ZNF131: variants seen among roughly 807,000 people sequenced by gnomAD.
ZNF131 encodes zinc finger protein 131.
ZNF131 carries 7 observed loss-of-function variants against 60.0 expected under a neutral mutation model. That is an observed-to-expected ratio of 0.12 (90% CI 0.07 to 0.22). ZNF131 has a LOEUF of 0.22. Ranked by LOEUF, ZNF131 falls within the 10% of genes least tolerant of loss-of-function variation. The probability of loss-of-function intolerance (pLI) is 1.00; values close to 1 mark genes in which losing one functional copy is unlikely to be tolerated. For synonymous variants in ZNF131, 257 were observed against 253.2 expected (o/e 1.01, Z -0.14); for missense variants, 493 against 740.9 (o/e 0.67, Z 3.88).
chr5:43,158,976 C>T (rs1232509630), intron 4 of ZNF131, among the ~76,000 whole-genome samples: 1 of 152,088 alleles, frequency 6.6e-6, no homozygotes, highest in East Asian at 1.9e-4. Flanking sequence ...AGATAGAAGA[C>T]TTCTGAGTCA....
chr5:43,146,774 C>T (rs550418296), intron 4 of ZNF131, among the ~76,000 whole-genome samples: 12 of 152,146 alleles, frequency 7.9e-5, no homozygotes, highest in Admixed American at 5.2e-4. Flanking sequence ...GACATGGTGG[C>T]GTGCGCCTAT....
chr5:43,175,675 T>A lies in ZNF131; in HGVS notation c.*542T>A. ...TCTACCCCAGTAGTCACAGATGCCA[T>A]CTTTGCAACAGAAAGAGTGGTGGTG... On this transcript the variant is annotated 3_prime_UTR_variant, in exon 7 of 7. Transcript: ENST00000682664. 2.6e-6 allele frequency: 1 copy of A among 383,700 alleles called. No homozygotes were observed. The highest frequency in any genetic ancestry group is 4.6e-6 in the Non-Finnish European group (1 of 218,080). 23.8% of individuals were successfully genotyped at this position (383,700 alleles called of 1,614,324 possible).
chr5:43,123,357 T>G (rs1184972428), intron 3 of ZNF131, 47 bp downstream of exon 3: 1 of 1,505,138 alleles, frequency 6.6e-7, no homozygotes, highest in Non-Finnish European at 9.0e-7. Flanking sequence ...AAAGAAGCCA[T>G]TTTATTTAAA....
chr5:43,149,401 A>G (rs932258141), intron 4 of ZNF131, among the ~76,000 whole-genome samples: 3 of 152,000 alleles, frequency 2.0e-5, no homozygotes. Context: ...CCTGCTGAGT[A>G]TTCCATTGTA....
chr5:43,174,427 C>G lies in ZNF131; in HGVS notation c.1186-20C>G. On this transcript the variant is annotated intron_variant, in intron 6 of 6. Coordinates refer to ENST00000682664, the MANE Select transcript of ZNF131 (RefSeq NM_001330707.2). ...GTTTGGATATAAGTATTGTCTACAT[C>G]ATATTTTTGGTTATTTCAGGTCTGC... is the stretch of plus-strand genomic sequence containing the variant. 1.3e-6 allele frequency: 2 copies of G among 1,510,164 alleles called. No homozygotes were observed. The highest frequency in any genetic ancestry group is 1.8e-6 in the Non-Finnish European group (2 of 1,130,574). The allele number at this position is 1,510,164 out of a possible 1,614,324, so 93.5% of individuals were successfully genotyped here.
intron 4 of ZNF131, among the ~76,000 whole-genome samples, chr5:43,152,654 T>C (rs1205672356): frequency 6.6e-6 from 1 of 152,204 alleles, no homozygotes; most frequent in African/African-American, 2.4e-5. Flanking sequence ...TCACCCAGGC[T>C]GGAGTGCAGT....
chr5:43,173,309 C>G lies in ZNF131; in HGVS notation c.1055-9C>G, dbSNP rs780715636. The G allele has an allele frequency of 1.1e-4, 179 of 1,559,710 alleles. No individual in the cohort carries two copies. Among genetic ancestry groups the G allele is most frequent in the Non-Finnish European group, 1.3e-4 (145 of 1,145,506 alleles). Reference sequence around the variant, plus strand: ...AATTTGCCAACGTATCTTTTTTCCCCTCTAATAGGTGAAAAACCTTTTGAA... The same window carrying G: ...AATTTGCCAACGTATCTTTTTTCCCGTCTAATAGGTGAAAAACCTTTTGAA... On this transcript the variant is annotated splice_polypyrimidine_tract_variant and intron_variant, in intron 5 of 6. Coordinates refer to ENST00000682664, the MANE Select transcript of ZNF131 (RefSeq NM_001330707.2).
Position 43,161,944 on chromosome 5 carries a change from T to C in ZNF131, c.1054+13T>C, listed in dbSNP as rs118083587. 295 of 1,547,654 alleles carry C rather than the reference T, an allele frequency of 1.9e-4. No homozygotes were observed. The East Asian group carries it at 6.3e-3, about 33-fold the overall frequency. On this transcript the variant is annotated intron_variant, in intron 5 of 6. Transcript: ENST00000682664. ...CGAAAACATACAGGTAATGAGCAAA[T>C]ACTTTGTTAAAATTTTTTTTTCCCA...
intron 3 of ZNF131, among the ~76,000 whole-genome samples, chr5:43,125,420 A>C (rs1323435603): frequency 6.6e-6 from 1 of 151,516 alleles, no homozygotes; most frequent in Middle Eastern, 3.2e-3. Context: ...CTTCCTCCCA[A>C]AGTGCTGGGA....
At chr5:43,170,940 TA>T (rs1750912239) in intron 5 of ZNF131, among the ~76,000 whole-genome samples, 1 of 150,600 alleles carries the variant, frequency 6.6e-6, no homozygotes, top group African/African-American at 2.5e-5. Flanking sequence ...GGCGATTTTT[TA>T]AATTTTTTTT....
intron 4 of ZNF131, among the ~76,000 whole-genome samples, chr5:43,144,155 C>G (rs1454437846): frequency 6.7e-6 from 1 of 149,680 alleles, no homozygotes; most frequent in African/African-American, 2.5e-5. Flanking sequence ...ATCTCCTGAC[C>G]TCGTGATCCA....
At chr5:43,136,115 G>GA (rs1159939267) in intron 3 of ZNF131, among the ~76,000 whole-genome samples, 2 of 152,058 alleles carry the variant, frequency 1.3e-5, no homozygotes, top group Admixed American at 1.3e-4. Flanking sequence ...TCTCGAAGAA[G>GA]AAAAAATGAA....
chr5:43,170,996 G>A (rs1176969255), intron 5 of ZNF131, among the ~76,000 whole-genome samples: 2 of 150,892 alleles, frequency 1.3e-5, no homozygotes, highest in African/African-American at 4.9e-5. Context: ...CCAGGCTGGA[G>A]TGCAATGGCC....
chr5:43,141,594 C>T (rs142210588), intron 4 of ZNF131, among the ~76,000 whole-genome samples: 37 of 151,998 alleles, frequency 2.4e-4, no homozygotes, highest in Middle Eastern at 6.8e-3. Flanking sequence ...CATGGTGAAA[C>T]GCCAACTCTA....
intron 4 of ZNF131, among the ~76,000 whole-genome samples, chr5:43,148,979 A>G (rs1226682758): frequency 6.6e-6 from 1 of 152,148 alleles, no homozygotes; most frequent in East Asian, 1.9e-4. Flanking sequence ...TTCACTTGCC[A>G]TAATTATTTT....
intron 3 of ZNF131, among the ~76,000 whole-genome samples, chr5:43,133,933 TTGATTAATTCAA>T (rs1745684930): frequency 6.6e-6 from 1 of 152,184 alleles, no homozygotes; most frequent in Non-Finnish European, 1.5e-5. Flanking sequence ...GATGGGTTCA[TTGATTAATTCAA>T]TGAAATGTTA....
chr5:43,158,805 T>G (rs1749281865), intron 4 of ZNF131, among the ~76,000 whole-genome samples: 1 of 152,014 alleles, frequency 6.6e-6, no homozygotes, highest in Non-Finnish European at 1.5e-5. Flanking sequence ...TCAAATCCGA[T>G]CAGTTGCTCT....
chr5:43,162,247 C>T (rs1208448354), intron 5 of ZNF131, among the ~76,000 whole-genome samples: 2 of 152,122 alleles, frequency 1.3e-5, no homozygotes, highest in Non-Finnish European at 2.9e-5. Context: ...GAGACTTTAC[C>T]ATTTCTATTT....
intron 4 of ZNF131, among the ~76,000 whole-genome samples, chr5:43,160,231 A>G (rs1336887679): frequency 6.6e-6 from 1 of 151,744 alleles, no homozygotes; most frequent in East Asian, 1.9e-4. Flanking sequence ...AGCTGGGCAC[A>G]GTAGCTCATG....
Sources: allele counts gnomAD v4.1 joint callset (sites outside exome capture counted in the v4.1 genomes callset), GRCh38; gene constraint gnomAD v4.1.1; transcripts MANE v1.5; gene names NCBI Gene and HGNC (gene_info 2026-07-23, HGNC 2026-07-21).